The following PTPRM variants were observed in gnomAD, a reference collection of about 807,000 sequenced individuals.
The protein encoded by PTPRM is receptor-type tyrosine-protein phosphatase mu.
A neutral mutation model predicts 186.7 loss-of-function variants in PTPRM; 47 were observed. That is an observed-to-expected ratio of 0.25 (90% confidence interval 0.20 to 0.32). The LOEUF (loss-of-function observed/expected upper bound fraction) is 0.32. Among genes scored for constraint, PTPRM ranks in the 10% least tolerant of loss-of-function variants. PTPRM has a pLI of 1.00. For synonymous variants in PTPRM, 668 were observed against 674.9 expected (o/e 0.99, Z 0.16); for missense variants, 1,494 against 1,865.0 (o/e 0.80, Z 3.66).
At chr18:7,690,184 C>T (rs1394476572) in intron 1 of PTPRM, among the ~76,000 whole-genome samples, 1 of 152,200 alleles carries the variant, frequency 6.6e-6, no homozygotes, top group Non-Finnish European at 1.5e-5. Context: ...GTTACCATTC[C>T]TGTCTAGAAG....
At chr18:7,934,994 G>A (rs1270941933) in intron 5 of PTPRM, among the ~76,000 whole-genome samples, 1 of 151,910 alleles carries the variant, frequency 6.6e-6, no homozygotes, top group Admixed American at 6.6e-5. Context: ...ATATGCTTTT[G>A]GTCAACCTTT....
At chr18:7,595,981 G>T (rs571702932) in intron 1 of PTPRM, among the ~76,000 whole-genome samples, 1 of 152,296 alleles carries the variant, frequency 6.6e-6, no homozygotes, top group Non-Finnish European at 1.5e-5. Context: ...TTTGACAAAA[G>T]ATGGTTTTCT....
At chr18:8,078,440 A>G (rs2089949283) in intron 9 of PTPRM, among the ~76,000 whole-genome samples, 1 of 152,220 alleles carries the variant, frequency 6.6e-6, no homozygotes, top group African/African-American at 2.4e-5. Context: ...GACCATGGCA[A>G]CATTGTTTTC....
chr18:8,191,611 T>C (rs951168738), intron 14 of PTPRM, among the ~76,000 whole-genome samples: 2 of 151,994 alleles, frequency 1.3e-5, no homozygotes, highest in Non-Finnish European at 2.9e-5. Context: ...GTCACACAAA[T>C]GCATGTGCAC....
chr18:8,262,676 G>T (rs564814643), intron 19 of PTPRM, among the ~76,000 whole-genome samples: 9 of 152,058 alleles, frequency 5.9e-5, no homozygotes, highest in African/African-American at 2.2e-4. Context: ...TCACAGCTCT[G>T]TGTTTGAATA....
At chr18:8,086,479 C>T (rs1337715550) in intron 10 of PTPRM, among the ~76,000 whole-genome samples, 2 of 152,122 alleles carry the variant, frequency 1.3e-5, no homozygotes, top group South Asian at 2.1e-4. Context: ...AATTAAGCTG[C>T]CATCTGGTAT....
At chr18:8,020,846 C>G (rs2085172653) in intron 7 of PTPRM, among the ~76,000 whole-genome samples, 1 of 152,148 alleles carries the variant, frequency 6.6e-6, no homozygotes, top group African/African-American at 2.4e-5. Context: ...GAGGCAAGCA[C>G]AGAACCTGAA....
chr18:8,294,447 T>TA (rs1307031787), intron 19 of PTPRM, among the ~76,000 whole-genome samples: 3 of 152,040 alleles, frequency 2.0e-5, no homozygotes, highest in Admixed American at 6.6e-5. Flanking sequence ...AAGCCGCTTA[T>TA]AAAACGATCA....
intron 19 of PTPRM, among the ~76,000 whole-genome samples, chr18:8,290,622 C>T (rs539307762): frequency 7.2e-5 from 11 of 152,214 alleles, no homozygotes; most frequent in African/African-American, 2.6e-4. Context: ...CTGCTCTGTG[C>T]CCATGGAGAG....
At chr18:7,980,825 G>A (rs905298966) in intron 7 of PTPRM, among the ~76,000 whole-genome samples, 1 of 152,118 alleles carries the variant, frequency 6.6e-6, no homozygotes, top group Non-Finnish European at 1.5e-5. Context: ...CTCACAGCCA[G>A]GCATGCTACA....
intron 4 of PTPRM, among the ~76,000 whole-genome samples, chr18:7,913,955 G>C (rs1000816578): frequency 6.6e-6 from 1 of 152,066 alleles, no homozygotes; most frequent in Admixed American, 6.6e-5. Flanking sequence ...AAATATTAAA[G>C]TTTATAATAT....
At chr18:7,897,518 A>G (rs373525052) in intron 3 of PTPRM, among the ~76,000 whole-genome samples, 8 of 152,364 alleles carry the variant, frequency 5.3e-5, no homozygotes, top group African/African-American at 1.7e-4. Context: ...ATATGTCTCA[A>G]GAAGCCACTG....
intron 7 of PTPRM, among the ~76,000 whole-genome samples, chr18:8,008,130 A>G (rs2084301414): frequency 6.6e-6 from 1 of 152,194 alleles, no homozygotes; most frequent in Non-Finnish European, 1.5e-5. Context: ...AATCGACTGA[A>G]GTGGCATTGG....
intron 7 of PTPRM, among the ~76,000 whole-genome samples, chr18:8,032,078 C>T (rs1346578451): frequency 6.6e-6 from 1 of 152,094 alleles, no homozygotes; most frequent in Admixed American, 6.5e-5. Context: ...TATTCTCTTC[C>T]TGGAAAATGT....
At chr18:7,995,086 A>C (rs1033763336) in intron 7 of PTPRM, among the ~76,000 whole-genome samples, 3 of 152,060 alleles carry the variant, frequency 2.0e-5, no homozygotes, top group Non-Finnish European at 2.9e-5. Context: ...CCAAGAGAAA[A>C]ACAGAAAAGA....
intron 14 of PTPRM, among the ~76,000 whole-genome samples, chr18:8,189,063 T>A (rs1424589589): frequency 6.6e-6 from 1 of 152,064 alleles, no homozygotes; most frequent in Non-Finnish European, 1.5e-5. Context: ...CCTAGCACTT[T>A]GGGAGGCCGT....
At chr18:7,862,499 C>T (rs139837826) in intron 2 of PTPRM, among the ~76,000 whole-genome samples, 9 of 152,290 alleles carry the variant, frequency 5.9e-5, no homozygotes, top group Non-Finnish European at 8.8e-5. Flanking sequence ...TTATCATTGA[C>T]GTTTCTGGAC....
intron 29 of PTPRM, among the ~76,000 whole-genome samples, chr18:8,381,809 A>G (rs564038293): frequency 2.6e-5 from 4 of 152,346 alleles, no homozygotes; most frequent in South Asian, 4.1e-4. Context: ...GCAGACACTT[A>G]TAGAATAAGG....
At chr18:7,943,516 A>T (rs2052328049) in intron 5 of PTPRM, among the ~76,000 whole-genome samples, 1 of 152,112 alleles carries the variant, frequency 6.6e-6, no homozygotes, top group South Asian at 2.1e-4. Flanking sequence ...TTCTCAGATG[A>T]TCACCACATT....
Sources: allele counts gnomAD v4.1 joint callset (sites outside exome capture counted in the v4.1 genomes callset), GRCh38; gene constraint gnomAD v4.1.1; transcripts MANE v1.5; gene names NCBI Gene and HGNC (gene_info 2026-07-23, HGNC 2026-07-21).